The following PAMR1 variants were observed in gnomAD, a reference collection of about 807,000 sequenced individuals.
PAMR1 encodes the protein inactive serine protease PAMR1.
A neutral mutation model predicts 81.8 loss-of-function variants in PAMR1; 88 were observed. That is an observed-to-expected ratio of 1.08 (90% CI 0.91 to 1.28). The LOEUF is 1.28. Ranked by LOEUF, PAMR1 falls within the 50% of genes most tolerant of loss-of-function variation. The probability of loss-of-function intolerance (pLI) is 0.00; values close to 1 mark genes in which losing one functional copy is unlikely to be tolerated. For missense variants in PAMR1, 935 were observed against 919.7 expected, an observed-to-expected ratio of 1.02 and a Z score of -0.21; for synonymous variants, 336 against 345.3, an observed-to-expected ratio of 0.97 and a Z score of 0.30.
chr11:35,492,295 A>G (rs976804282), intron 2 of PAMR1, 122 bp from the exon 3 acceptor site: 81 of 1,049,676 alleles, frequency 7.7e-5, no homozygotes, highest in Non-Finnish European at 1.7e-5. Flanking sequence ...TGGGCCTAGA[A>G]AGGTGTCAGA....
intron 1 of PAMR1, among the ~76,000 whole-genome samples, chr11:35,508,488 T>G (rs1851012801): frequency 6.6e-6 from 1 of 151,040 alleles, no homozygotes; most frequent in Admixed American, 6.6e-5. Context: ...CTTGCTTCTA[T>G]GCCACCATTT....
At chr11:35,460,354 C>T (rs1265436751) in intron 6 of PAMR1, among the ~76,000 whole-genome samples, 2 of 147,760 alleles carry the variant, frequency 1.4e-5, no homozygotes, top group Non-Finnish European at 3.0e-5. Context: ...ACTTTAAGTT[C>T]TAGGGTACAT....
At position 35,474,654 on chromosome 11, in the gene PAMR1, T is replaced by G. The variant is rs1235715504; in HGVS notation, c.470A>C (p.Lys157Thr). The change falls in exon 4 of 11, where the codon AAA (lysine) becomes ACA (threonine). Residue 157 changes from lysine (K) to threonine (T), a missense_variant. Coordinates refer to ENST00000619888, the MANE Select transcript of PAMR1 (RefSeq NM_001001991.3). The part of the protein sequence containing the change: ...NAHCEWTIHA[K>T]PGFVIQLRFV... ...CCTTAGTTGGATGACAAACCCAGGT[T>G]TAGCATGAATGGTCCATTCACAGTG... The G allele has an allele frequency of 8.7e-6, 14 of 1,604,468 alleles. No homozygotes were observed. Among genetic ancestry groups the G allele is most frequent in the Non-Finnish European group, 1.2e-5 (14 of 1,175,984 alleles).
At chr11:35,485,995 T>G (rs906371745) in intron 3 of PAMR1, among the ~76,000 whole-genome samples, 8 of 152,214 alleles carry the variant, frequency 5.3e-5, no homozygotes, top group Non-Finnish European at 1.2e-4. Context: ...CAGGCAGGCA[T>G]TCAACAAAGA....
Position 35,468,079 on chromosome 11 carries a change from C to T in PAMR1, c.742G>A (p.Gly248Ser), listed in dbSNP as rs974483730. The T allele has an allele frequency of 1.8e-5, 28 of 1,555,312 alleles. No homozygotes were observed. The highest frequency in any genetic ancestry group is 3.9e-5 in the Admixed American group (2 of 51,354). The change falls in exon 6 of 11, where the codon GGC (glycine) becomes AGC (serine). Residue 248 changes from glycine (G) to serine (S), a missense_variant. Transcript: ENST00000619888. The part of the protein sequence containing the change: ...ACSSSPCFHD[G>S]TCVLDKAGSY... ...CCAGCCTTGTCAAGGACGCACGTGC[C>T]GTCATGGAAACAAGGGGATGAGGAG...
At chr11:35,476,499 G>T (rs889266220) in intron 3 of PAMR1, among the ~76,000 whole-genome samples, 1 of 152,154 alleles carries the variant, frequency 6.6e-6, no homozygotes, top group Non-Finnish European at 1.5e-5. Context: ...ATGTGAAGAA[G>T]GACGCGTTTG....
intron 6 of PAMR1, among the ~76,000 whole-genome samples, chr11:35,449,971 C>A (rs1856377093): frequency 6.6e-6 from 1 of 151,830 alleles, no homozygotes; most frequent in South Asian, 2.1e-4. Context: ...GCTGAAAGTG[C>A]AGGATTCACT....
At position 35,521,744 on chromosome 11, in the gene PAMR1, T is replaced by C. The variant is rs1026221837; in HGVS notation, c.73+3769A>G. Among the ~76,000 whole-genome samples the C allele has an allele frequency of 2.6e-5, 4 of 152,316 alleles. No homozygotes were observed. In the South Asian group the frequency reaches 6.2e-4, roughly 24 times the overall value. ...TGTCCATCAGCATAATCAGTCCATGTGCTGGATGTGTGAATATATGTCCTC... is the reference window on the plus strand; with the variant it reads ...TGTCCATCAGCATAATCAGTCCATGCGCTGGATGTGTGAATATATGTCCTC... On this transcript the variant is annotated intron_variant, in intron 1 of 10. Coordinates refer to ENST00000619888, the MANE Select transcript of PAMR1 (RefSeq NM_001001991.3).
chr11:35,514,981 G>A (rs1387119885), intron 1 of PAMR1, among the ~76,000 whole-genome samples: 1 of 152,022 alleles, frequency 6.6e-6, no homozygotes, highest in African/African-American at 2.4e-5. Flanking sequence ...CTTCAACCTG[G>A]GTGACAGACC....
rs566261444 is a variant in PAMR1 at position 35,483,394 on chromosome 11, G to A, written c.380-8650C>T. 1.1e-4 allele frequency among the ~76,000 whole-genome samples: 17 copies of A among 152,202 alleles called. No homozygotes were observed. In the South Asian group the frequency reaches 3.1e-3, roughly 28 times the overall value. Reference sequence around the variant, plus strand: ...ACAACATCCCAAGATCTCCTGCTTCGTAGCCTCATTCCAGCCTCTGCTTGC... The same window carrying A: ...ACAACATCCCAAGATCTCCTGCTTCATAGCCTCATTCCAGCCTCTGCTTGC... On this transcript the variant is annotated intron_variant, in intron 3 of 10. Coordinates refer to ENST00000619888, the MANE Select transcript of PAMR1 (RefSeq NM_001001991.3).
chr11:35,432,912 G>A lies in PAMR1; in HGVS notation c.1627-20C>T. 3 of 1,546,942 alleles carry A rather than the reference G, an allele frequency of 1.9e-6. No individual in the cohort carries two copies. Among genetic ancestry groups the A allele is most frequent in the Non-Finnish European group, 1.7e-6 (2 of 1,149,550 alleles). ...AGAAATCTACAAATGCAAGGAATGG[G>A]CAGCAATGGTGAGGAGCCAGCTCCA... On this transcript the variant is annotated intron_variant, in intron 10 of 10. Transcript: ENST00000619888.
chr11:35,473,899 G>T (rs1422123619), intron 4 of PAMR1, among the ~76,000 whole-genome samples: 2 of 152,194 alleles, frequency 1.3e-5, no homozygotes, highest in Non-Finnish European at 1.5e-5. Flanking sequence ...AAAGCGGGAG[G>T]TGTTTTTCAT....
At chr11:35,475,754 C>T (rs953589086) in intron 3 of PAMR1, among the ~76,000 whole-genome samples, 1 of 152,210 alleles carries the variant, frequency 6.6e-6, no homozygotes, top group Non-Finnish European at 1.5e-5. Flanking sequence ...AACACAGTGA[C>T]ACCCATTCAT....
intron 3 of PAMR1, 64 bp downstream of exon 3, chr11:35,491,981 C>T: frequency 2.9e-6 from 4 of 1,399,144 alleles, no homozygotes; most frequent in Non-Finnish European, 3.8e-6. Flanking sequence ...AATTTTGGTC[C>T]ATTGTAAGCT....
At chr11:35,453,107 A>C (rs1332113846) in intron 6 of PAMR1, among the ~76,000 whole-genome samples, 1 of 152,236 alleles carries the variant, frequency 6.6e-6, no homozygotes, top group Non-Finnish European at 1.5e-5. Flanking sequence ...TGCTCTTCTC[A>C]TCTGTAAAGC....
intron 1 of PAMR1, among the ~76,000 whole-genome samples, chr11:35,507,176 T>C (rs1007585581): frequency 6.6e-6 from 1 of 151,380 alleles, no homozygotes; most frequent in African/African-American, 2.4e-5. Flanking sequence ...CCTTCCCAAG[T>C]AGCTGGGATT....
Position 35,468,061 on chromosome 11 carries a change from T to C in PAMR1, c.760A>G (p.Lys254Glu). ...CAGGCACACTTGTAAGATCCAGCCT[T>C]GTCAAGGACGCACGTGCCGTCATGG... ...CFHDGTCVLD[K>E]AGSYKCACLA... The change falls in exon 6 of 11, where the codon AAG becomes GAG. Residue 254 changes from lysine (K) to glutamate (E), a missense_variant. Coordinates refer to ENST00000619888, the MANE Select transcript of PAMR1 (RefSeq NM_001001991.3). 6.4e-7 allele frequency: 1 copy of C among 1,560,750 alleles called. No homozygotes were observed. The highest frequency in any genetic ancestry group is 8.7e-7 in the Non-Finnish European group (1 of 1,150,886).
chr11:35,494,448 C>A (rs527966929), intron 1 of PAMR1, among the ~76,000 whole-genome samples, 176 bp from the exon 2 acceptor site: 2 of 152,312 alleles, frequency 1.3e-5, no homozygotes, highest in South Asian at 4.2e-4. Flanking sequence ...ATTCTCCTGC[C>A]GCAGCCTCCA....
intron 1 of PAMR1, among the ~76,000 whole-genome samples, chr11:35,506,620 T>C (rs1214638437): frequency 6.6e-6 from 1 of 151,856 alleles, no homozygotes; most frequent in Admixed American, 6.6e-5. Flanking sequence ...ACTTTGAACA[T>C]GTTGTCCTCC....
Sources: allele counts gnomAD v4.1 joint callset (sites outside exome capture counted in the v4.1 genomes callset), GRCh38; gene constraint gnomAD v4.1.1; transcripts MANE v1.5; gene names NCBI Gene and HGNC (gene_info 2026-07-23, HGNC 2026-07-21).